Variants in ZNF573 observed in about 807,000 individuals in gnomAD.
The protein encoded by ZNF573 is zinc finger protein 573.
Under a neutral mutation model 57.4 loss-of-function variants are expected in ZNF573, and 41 were observed. The observed-to-expected ratio is 0.71, with a 90% CI of 0.56 to 0.93. The LOEUF is 0.93. Among genes scored for constraint, ZNF573 ranks in the 40% least tolerant of loss-of-function variants. The pLI, the probability that ZNF573 is intolerant of heterozygous loss-of-function variation, is 0.00. For synonymous variants in ZNF573, 249 were observed against 261.0 expected, an observed-to-expected ratio of 0.95 and a Z score of 0.44; for missense variants, 730 against 794.8, an observed-to-expected ratio of 0.92 and a Z score of 0.98.
In ZNF573 at chr19:37,739,096, G is replaced by A. The variant is rs1203527661; in HGVS notation, c.1394C>T (p.Thr465Ile). The change falls in exon 5 of 5, where the codon ACT becomes ATT. Residue 465 changes from threonine to isoleucine, a missense_variant. Coordinates refer to ENST00000536220, the MANE Select transcript of ZNF573 (RefSeq NM_001172690.2). ...CTGACATTCAAAAAGTTTCTTACCA[G>A]TGTGAATATTCTGATGTCGAGTAAG... ...RNLTRHQNIH[T>I]GKKLFECQEC... The A allele has an allele frequency of 1.9e-6, 3 of 1,613,666 alleles. No individual in the cohort carries two copies. The highest frequency in any genetic ancestry group is 2.5e-6 in the Non-Finnish European group (3 of 1,179,890).
At position 37,769,990 on chromosome 19, in the gene ZNF573, C is replaced by T; in HGVS notation, c.295+15G>A. The T allele has an allele frequency of 1.9e-6, 3 of 1,548,482 alleles. No individual in the cohort carries two copies. The highest frequency in any genetic ancestry group is 1.2e-5 in the South Asian group (1 of 83,986). ...GGCTGTGGCCGGCCCTGATGGTGTC[C>T]CCTGCCTTCCTTACCTGTGAACTGT... is the stretch of plus-strand genomic sequence containing the variant. On this transcript the variant is annotated intron_variant, in intron 4 of 4. Coordinates refer to ENST00000536220, the MANE Select transcript of ZNF573 (RefSeq NM_001172690.2).
chr19:37,738,543 A>G lies in ZNF573; in HGVS notation c.1947T>C (p.Tyr649=), dbSNP rs755458423. Residue 649 remains tyrosine (Y), a synonymous_variant, in exon 5 of 5, where the codon TAT becomes TAC. Transcript: ENST00000536220. ...TCTGATGGGCTTTAAGGGCTGAACCATATCTGAAGGTTTTCCCACACTGCT... is the reference window on the plus strand; with the variant it reads ...TCTGATGGGCTTTAAGGGCTGAACCGTATCTGAAGGTTTTCCCACACTGCT... The part of the protein sequence containing the change: ...VCKQCGKTFR[Y]GSALKAHQRI... The G allele has an allele frequency of 6.4e-7, 1 of 1,571,926 alleles. No individual in the cohort carries two copies. Among genetic ancestry groups the G allele is most frequent in the Non-Finnish European group, 8.6e-7 (1 of 1,163,606 alleles).
At chr19:37,758,232 T>A (rs868037032) in intron 4 of ZNF573, among the ~76,000 whole-genome samples, 30,351 of 64,870 alleles carry the variant, frequency 0.47, 10,128 homozygotes, top group Non-Finnish European at 0.55. Context: ...TATATATATA[T>A]ATATATATAT....
At chr19:37,759,730 A>AAAAT (rs539653606) in intron 4 of ZNF573, among the ~76,000 whole-genome samples, 270 of 152,142 alleles carry the variant, frequency 1.8e-3, no homozygotes, top group African/African-American at 4.6e-3. Flanking sequence ...TCTGTCTCAA[A>AAAAT]AAATAAATAA....
chr19:37,742,928 G>T (rs2045340357), intron 4 of ZNF573, among the ~76,000 whole-genome samples: 1 of 152,066 alleles, frequency 6.6e-6, no homozygotes, highest in Non-Finnish European at 1.5e-5. Flanking sequence ...TCTGACAAAG[G>T]TCTAACATCC....
chr19:37,771,626 G>C lies in ZNF573; in HGVS notation c.140C>G (p.Pro47Arg). The change falls in exon 3 of 5, where the codon CCT becomes CGT. Residue 47 changes from proline (P) to arginine (R), a missense_variant. Coordinates refer to ENST00000536220, the MANE Select transcript of ZNF573 (RefSeq NM_001172690.2). ...FSRQEWEYLD[P>R]NQRDLYRDVM... The stretch of plus-strand genomic sequence containing the variant: ...ATCCCTGTATAAGTCCCTCTGATTA[G>C]GGTCCAGGTATTCCCACTCCTGCCG... 3 of 1,603,494 alleles carry C rather than the reference G, an allele frequency of 1.9e-6. No individual in the cohort carries two copies. The highest frequency in any genetic ancestry group is 2.6e-6 in the Non-Finnish European group (3 of 1,176,460).
At chr19:37,767,355 A>G in intron 4 of ZNF573, among the ~76,000 whole-genome samples, 1 of 151,918 alleles carries the variant, frequency 6.6e-6, no homozygotes, top group East Asian at 1.9e-4. Flanking sequence ...CAGCCTCCTG[A>G]GTAGCTGGGA....
Position 37,738,828 on chromosome 19 carries a change from A to G in ZNF573, c.1662T>C (p.Phe554=). 6.2e-7 allele frequency: 1 copy of G among 1,613,680 alleles called. No homozygotes were observed. The highest frequency in any genetic ancestry group is 8.5e-7 in the Non-Finnish European group (1 of 1,179,910). The part of the protein sequence containing the change: ...HQSIHTDEKP[F]ECKECGKTFR... ...AGGTCTTCCCACATTCCTTACATTC[A>G]AAAGGTTTCTCATCAGTATGAATAC... Residue 554 remains phenylalanine, a synonymous_variant, in exon 5 of 5, where the codon TTT becomes TTC. Coordinates refer to ENST00000536220, the MANE Select transcript of ZNF573 (RefSeq NM_001172690.2).
chr19:37,776,820 C>T (rs2045713143), intron 1 of ZNF573, among the ~76,000 whole-genome samples: 1 of 151,952 alleles, frequency 6.6e-6, no homozygotes, highest in African/African-American at 2.4e-5. Context: ...AAAAAGTAGG[C>T]TAAGGATATG....
chr19:37,739,429 C>A lies in ZNF573; in HGVS notation c.1061G>T (p.Gly354Val). 1 of 1,614,032 alleles carries A rather than the reference C, an allele frequency of 6.2e-7. No individual in the cohort carries two copies. Among genetic ancestry groups the A allele is most frequent in the Non-Finnish European group, 8.5e-7 (1 of 1,180,004 alleles). The change falls in exon 5 of 5, where the codon GGT becomes GTT. Residue 354 changes from glycine (G) to valine (V), a missense_variant. Physicochemically the swap from Gly to Val is moderately radical, Grantham distance 109. Coordinates refer to ENST00000536220, the MANE Select transcript of ZNF573 (RefSeq NM_001172690.2). Reference protein sequence around the residue: ...YFLLHQRIHKGGKPYECKECK... With the variant: ...YFLLHQRIHKVGKPYECKECK... The stretch of plus-strand genomic sequence containing the variant: ...CTCCTTACATTCATAGGGTTTTCCA[C>A]CTTTATGAATTCTCTGATGTAGAAG...
chr19:37,767,456 A>G (rs998396793), intron 4 of ZNF573, among the ~76,000 whole-genome samples: 1 of 151,904 alleles, frequency 6.6e-6, no homozygotes, highest in East Asian at 1.9e-4. Context: ...GATGGTCTCG[A>G]TCTGCTGACT....
Position 37,768,917 on chromosome 19 carries a change from C to T in ZNF573, c.295+1088G>A, listed in dbSNP as rs2045626844. Among the ~76,000 whole-genome samples the T allele has an allele frequency of 2.9e-5, 4 of 136,894 alleles. No individual in the cohort carries two copies. In the South Asian group the frequency reaches 9.7e-4, roughly 33 times the overall value. 89.8% of individuals were successfully genotyped at this position (136,894 alleles called of 152,430 possible). A position where few individuals can be genotyped will look rare whatever the true frequency, so the allele number is the denominator to read the frequency against. The stretch of plus-strand genomic sequence containing the variant: ...TCCTGACCTCGTGATCCACCCATCT[C>T]GGCCTCCCAAAGTGCTGGGATTACA... On this transcript the variant is annotated intron_variant, in intron 4 of 4. Transcript: ENST00000536220.
intron 4 of ZNF573, among the ~76,000 whole-genome samples, chr19:37,746,545 G>A (rs941332252): frequency 2.5e-4 from 38 of 152,082 alleles, no homozygotes; most frequent in Admixed American, 9.2e-4. Flanking sequence ...ATATATGTAA[G>A]CATACATCGG....
rs1568414865 is a variant in ZNF573 at position 37,740,089 on chromosome 19, T to C, written c.401A>G (p.Tyr134Cys). 1 of 1,614,078 alleles carries C rather than the reference T, an allele frequency of 6.2e-7. No homozygotes were observed. The highest frequency in any genetic ancestry group is 8.5e-7 in the Non-Finnish European group (1 of 1,179,964). ...LQSIYKREKL[Y>C]ECKKCQKKFS... The stretch of plus-strand genomic sequence containing the variant: ...TTTCTTCTGACATTTCTTACATTCA[T>C]AGAGTTTCTCTCTCTTATATATGCT... Residue 134 changes from tyrosine (Y) to cysteine (C), a missense_variant, in exon 5 of 5, where the codon TAT becomes TGT. Transcript: ENST00000536220.
intron 1 of ZNF573, among the ~76,000 whole-genome samples, chr19:37,775,842 CAAAAAAA>C: frequency 8.0e-6 from 1 of 125,208 alleles, no homozygotes; most frequent in African/African-American, 3.0e-5. Flanking sequence ...ACAACAGCTG[CAAAAAAA>C]AAAAAAAAAC....
intron 4 of ZNF573, 104 bp from the exon 5 acceptor site, chr19:37,740,298 T>C (rs1473625657): frequency 5.6e-6 from 6 of 1,067,550 alleles, no homozygotes; most frequent in Admixed American, 2.6e-5. Flanking sequence ...GTGAATGGCA[T>C]ATAGAATTCA....
intron 4 of ZNF573, among the ~76,000 whole-genome samples, chr19:37,765,609 C>G (rs888210063): frequency 6.6e-6 from 1 of 152,146 alleles, no homozygotes; most frequent in Non-Finnish European, 1.5e-5. Context: ...ACTCGGGAGG[C>G]TGAAGCAGGA....
chr19:37,776,668 A>C (rs1285324678), intron 1 of ZNF573, among the ~76,000 whole-genome samples: 1 of 152,238 alleles, frequency 6.6e-6, no homozygotes, highest in African/African-American at 2.4e-5. Flanking sequence ...TCTGCACAGC[A>C]AAAGAAATAA....
chr19:37,778,073 G>GTAAC (rs1029130939), intron 1 of ZNF573, among the ~76,000 whole-genome samples: 1 of 148,304 alleles, frequency 6.7e-6, no homozygotes, highest in Admixed American at 6.7e-5. Flanking sequence ...GTCTCTTGAA[G>GTAAC]TAACTAATAC....
Sources: gnomAD v4.1 joint callset for allele counts (sites outside exome capture counted in the v4.1 genomes callset) on GRCh38, gnomAD v4.1.1 for gene constraint, MANE v1.5 for transcripts, NCBI Gene and HGNC (gene_info 2026-07-23, HGNC 2026-07-21) for gene names.